The following CFDP1 variants were observed in gnomAD, a reference collection of about 807,000 sequenced individuals.
The protein encoded by CFDP1 is heterochromatin-stabilizing protein CFDP1.
A neutral mutation model predicts 40.1 loss-of-function variants in CFDP1; 31 were observed. The ratio of observed to expected loss-of-function variants is 0.77; its 90% confidence interval spans 0.58 to 1.04. The LOEUF (loss-of-function observed/expected upper bound fraction) is 1.04. Ranked by LOEUF, CFDP1 falls within the 50% of genes least tolerant of loss-of-function variation. The probability of loss-of-function intolerance (pLI) is 0.00; values close to 1 mark genes in which losing one functional copy is unlikely to be tolerated. For missense variants in CFDP1, 423 were observed against 343.4 expected, an observed-to-expected ratio of 1.23 and a Z score of -1.83; for synonymous variants, 167 against 120.0, an observed-to-expected ratio of 1.39 and a Z score of -2.56.
At chr16:75,344,855 C>T (rs2078551164) in intron 5 of CFDP1, among the ~76,000 whole-genome samples, 4 of 151,934 alleles carry the variant, frequency 2.6e-5, no homozygotes, top group Admixed American at 2.0e-4. Flanking sequence ...TCACTTGAAC[C>T]CAGGAAGCAG....
chr16:75,304,969 A>G (rs2078247463), intron 6 of CFDP1, 55 bp downstream of exon 6: 2 of 1,562,976 alleles, frequency 1.3e-6, no homozygotes, highest in Admixed American at 3.6e-5. Context: ...CCAATAAATC[A>G]TTTGATTTCA....
intron 5 of CFDP1, among the ~76,000 whole-genome samples, chr16:75,313,416 G>A (rs983344086): frequency 6.6e-6 from 1 of 152,150 alleles, no homozygotes; most frequent in African/African-American, 2.4e-5. Context: ...TACAGCCTCT[G>A]CTTCCTGGGT....
At chr16:75,304,740 C>T (rs1291936126) in intron 6 of CFDP1, among the ~76,000 whole-genome samples, 2 of 152,234 alleles carry the variant, frequency 1.3e-5, no homozygotes, top group Admixed American at 6.5e-5. Flanking sequence ...AGGCAACTTA[C>T]AGTTCACTGG....
intron 5 of CFDP1, among the ~76,000 whole-genome samples, chr16:75,322,398 T>A (rs555339009): frequency 6.6e-6 from 1 of 152,328 alleles, no homozygotes; most frequent in African/African-American, 2.4e-5. Context: ...GTTAGGTGAT[T>A]TCATTGTTGT....
intron 5 of CFDP1, among the ~76,000 whole-genome samples, chr16:75,382,928 A>G (rs2078864029): frequency 1.3e-5 from 2 of 152,250 alleles, no homozygotes; most frequent in South Asian, 4.1e-4. Flanking sequence ...AATGCAAAGC[A>G]TGAGTTTTTC....
intron 4 of CFDP1, among the ~76,000 whole-genome samples, chr16:75,403,155 G>A (rs2079069877): frequency 6.6e-6 from 1 of 152,086 alleles, no homozygotes. Context: ...AATGAAATAG[G>A]AAATTTGCAG....
At chr16:75,420,111 C>CA (rs10706144) in intron 1 of CFDP1, among the ~76,000 whole-genome samples, 3,771 of 60,174 alleles carry the variant, frequency 0.063, 76 homozygotes, top group African/African-American at 0.09. Flanking sequence ...ACCTTCATCT[C>CA]AAAAAAAAAA....
At chr16:75,332,823 T>C (rs1226566209) in intron 5 of CFDP1, among the ~76,000 whole-genome samples, 1 of 150,450 alleles carries the variant, frequency 6.6e-6, no homozygotes, top group Non-Finnish European at 1.5e-5. Flanking sequence ...CTTTTTTTTT[T>C]TTGAGACAGA....
chr16:75,325,081 T>C (rs1403459167), intron 5 of CFDP1: 2 of 152,212 alleles, frequency 1.3e-5, no homozygotes, highest in Non-Finnish European at 2.9e-5. Flanking sequence ...GGTGACTGCA[T>C]CCAGTCCCAA....
At chr16:75,313,594 G>A (rs973026771) in intron 5 of CFDP1, among the ~76,000 whole-genome samples, 2 of 152,250 alleles carry the variant, frequency 1.3e-5, no homozygotes, top group Admixed American at 1.3e-4. Context: ...GTCTCCCATA[G>A]TGCTGGGATT....
chr16:75,369,996 A>G (rs1279470975), intron 5 of CFDP1, among the ~76,000 whole-genome samples: 1 of 151,594 alleles, frequency 6.6e-6, no homozygotes, highest in Non-Finnish European at 1.5e-5. Flanking sequence ...CTGGTCTCAA[A>G]CTCCTTACCT....
chr16:75,347,827 T>G (rs1332489019), intron 5 of CFDP1, among the ~76,000 whole-genome samples: 1 of 152,168 alleles, frequency 6.6e-6, no homozygotes, highest in African/African-American at 2.4e-5. Flanking sequence ...AAATCCCCTC[T>G]CTGGTGGTCT....
At chr16:75,332,013 A>G (rs1215974397) in intron 5 of CFDP1, among the ~76,000 whole-genome samples, 4 of 152,198 alleles carry the variant, frequency 2.6e-5, no homozygotes. Flanking sequence ...TAGTCTTTTC[A>G]GGAGTATAAA....
intron 4 of CFDP1, among the ~76,000 whole-genome samples, chr16:75,408,546 AG>A (rs1270234761): frequency 2.0e-5 from 3 of 152,044 alleles, no homozygotes; most frequent in African/African-American, 7.2e-5. Context: ...TGGGAGGCTG[AG>A]GAGGGTGGAT....
At chr16:75,357,397 G>C (rs965387985) in intron 5 of CFDP1, among the ~76,000 whole-genome samples, 1 of 152,076 alleles carries the variant, frequency 6.6e-6, no homozygotes, top group African/African-American at 2.4e-5. Context: ...TGGGACTACA[G>C]GTGTGCACCA....
At chr16:75,414,971 G>A (rs1400431703) in intron 1 of CFDP1, among the ~76,000 whole-genome samples, 1 of 152,066 alleles carries the variant, frequency 6.6e-6, no homozygotes, top group Non-Finnish European at 1.5e-5. Context: ...TTTCTGCTGT[G>A]CTGTATACTC....
At chr16:75,395,300 C>A in intron 4 of CFDP1, 91 bp from the exon 5 acceptor site, 1 of 1,332,886 alleles carries the variant, frequency 7.5e-7, no homozygotes, top group Non-Finnish European at 1.0e-6. Context: ...AGAAAAAGAT[C>A]CACTCGGCTT....
At chr16:75,337,588 C>T (rs1464183700) in intron 5 of CFDP1, among the ~76,000 whole-genome samples, 1 of 152,176 alleles carries the variant, frequency 6.6e-6, no homozygotes, top group Non-Finnish European at 1.5e-5. Context: ...ACAGGTTGTA[C>T]AGAAAGCATG....
chr16:75,361,032 C>G (rs2078676391), intron 5 of CFDP1, among the ~76,000 whole-genome samples: 1 of 152,000 alleles, frequency 6.6e-6, no homozygotes, highest in Non-Finnish European at 1.5e-5. Flanking sequence ...TTTTCTGAGG[C>G]AGGGTCTTAC....
Sources: gnomAD v4.1 joint callset for allele counts (sites outside exome capture counted in the v4.1 genomes callset) on GRCh38, gnomAD v4.1.1 for gene constraint, MANE v1.5 for transcripts, NCBI Gene and HGNC (gene_info 2026-07-23, HGNC 2026-07-21) for gene names.